Variants in SYT1 observed in about 807,000 individuals in gnomAD.
SYT1 encodes synaptotagmin-1.
A neutral mutation model predicts 44.8 loss-of-function variants in SYT1; 8 were observed. That is an observed-to-expected ratio of 0.18 (90% CI 0.10 to 0.32). The LOEUF is 0.32. Among genes scored for constraint, SYT1 ranks in the 10% least tolerant of loss-of-function variants. The pLI, the probability that SYT1 is intolerant of heterozygous loss-of-function variation, is 1.00. For missense variants in SYT1, 286 were observed against 509.3 expected (o/e 0.56, Z 4.22); for synonymous variants, 154 against 188.8 (o/e 0.82, Z 1.51).
chr12:79,245,302 CAAAAAAA>C (rs61324842), intron 4 of SYT1, among the ~76,000 whole-genome samples: 5 of 104,188 alleles, frequency 4.8e-5, no homozygotes, highest in Admixed American at 1.0e-4. Flanking sequence ...CCCGTCTCTA[CAAAAAAA>C]AAAAAAAAAA....
chr12:79,393,800 C>T (rs1372706198), intron 9 of SYT1: 7 of 152,090 alleles, frequency 4.6e-5, no homozygotes, highest in African/African-American at 1.4e-4. Context: ...GAAACTCTTT[C>T]GTTTAATTAA....
intron 8 of SYT1, among the ~76,000 whole-genome samples, chr12:79,310,955 C>T (rs984902111): frequency 1.3e-5 from 2 of 152,232 alleles, no homozygotes; most frequent in African/African-American, 4.8e-5. Flanking sequence ...ATCATGTCAT[C>T]TGCAAACAGG....
rs1054796019 is a variant in SYT1 at position 79,451,662 on chromosome 12, C to T, written c.*2538C>T. 2.6e-5 allele frequency: 4 copies of T among 152,198 alleles called. No individual in the cohort carries two copies. The highest frequency in any genetic ancestry group is 4.8e-5 in the African/African-American group (2 of 41,444). 9.4% of individuals were successfully genotyped at this position (152,198 alleles called of 1,614,324 possible). A position where few individuals can be genotyped will look rare whatever the true frequency, so the allele number is the denominator to read the frequency against. On this transcript the variant is annotated 3_prime_UTR_variant, in exon 11 of 11. Coordinates refer to ENST00000261205, the MANE Select transcript of SYT1 (RefSeq NM_005639.3). ...AACCTGCTTTATGACCAAGATTCAT[C>T]CTCAAATAAGCCACATGTACCCTTC...
chr12:79,317,719 A>G (rs1881162311), intron 8 of SYT1, among the ~76,000 whole-genome samples: 1 of 152,194 alleles, frequency 6.6e-6, no homozygotes, highest in South Asian at 2.1e-4. Flanking sequence ...TTTACCAACA[A>G]CAGCATAGGT....
chr12:78,901,084 C>T (rs1029622173), intron 1 of SYT1, among the ~76,000 whole-genome samples: 3 of 152,030 alleles, frequency 2.0e-5, no homozygotes, highest in African/African-American at 7.2e-5. Context: ...GGATATGTAT[C>T]TCTATCTGTT....
chr12:79,187,429 T>G (rs1042855278), intron 3 of SYT1, among the ~76,000 whole-genome samples: 1 of 152,064 alleles, frequency 6.6e-6, no homozygotes, highest in African/African-American at 2.4e-5. Context: ...TTTATGTCTA[T>G]CTTTAGTTTT....
chr12:79,295,114 T>C (rs1014211568), intron 6 of SYT1, among the ~76,000 whole-genome samples: 1 of 152,124 alleles, frequency 6.6e-6, no homozygotes, highest in African/African-American at 2.4e-5. Flanking sequence ...TAAAAACCTA[T>C]GGTGTTACTG....
chr12:78,883,891 A>G (rs1874594567), intron 1 of SYT1, among the ~76,000 whole-genome samples: 2 of 151,742 alleles, frequency 1.3e-5, no homozygotes, highest in Admixed American at 6.6e-5. Flanking sequence ...TACTATACAC[A>G]TGAAAGTGAT....
intron 5 of SYT1, among the ~76,000 whole-genome samples, chr12:79,290,197 G>A (rs1879510347): frequency 6.6e-6 from 1 of 152,146 alleles, no homozygotes; most frequent in East Asian, 1.9e-4. Flanking sequence ...CAAAGGGGAG[G>A]CATCACTGAC....
chr12:79,236,316 C>T (rs922056721), intron 4 of SYT1, among the ~76,000 whole-genome samples: 1 of 152,182 alleles, frequency 6.6e-6, no homozygotes, highest in Admixed American at 6.5e-5. Context: ...TAACCCCAAC[C>T]TACCTTTCCA....
intron 9 of SYT1, among the ~76,000 whole-genome samples, chr12:79,424,839 T>G (rs939106900): frequency 9.2e-5 from 14 of 152,028 alleles, no homozygotes; most frequent in South Asian, 2.1e-4. Flanking sequence ...GTTTTGTTTT[T>G]TTTTTAAGTT....
chr12:79,329,992 T>G (rs1285528544), intron 8 of SYT1, among the ~76,000 whole-genome samples: 1 of 152,188 alleles, frequency 6.6e-6, no homozygotes, highest in African/African-American at 2.4e-5. Flanking sequence ...TTGACCTCAT[T>G]AAATCCCTAT....
intron 1 of SYT1, among the ~76,000 whole-genome samples, chr12:78,916,279 C>T (rs7960312): frequency 0.76 from 115,977 of 151,940 alleles, 44,819 homozygotes; most frequent in African/African-American, 0.87. Context: ...CTAAGCCAAA[C>T]GTATGGTTTC....
In SYT1 at chr12:79,066,500, AAC is replaced by A. The variant is rs1491463988; in HGVS notation, c.-18+19140_-18+19141del. 4.1e-4 allele frequency among the ~76,000 whole-genome samples: 60 copies of A among 146,432 alleles called. 1 individual carries two copies. The highest frequency in any genetic ancestry group is 1.2e-3 in the African/African-American group (48 of 40,208). On this transcript the variant is annotated intron_variant, in intron 3 of 10. Coordinates refer to ENST00000261205, the MANE Select transcript of SYT1 (RefSeq NM_005639.3). The stretch of plus-strand genomic sequence containing the variant: ...TTTGAAAAAAAAAATTAAAAAAAAA[AAC>A]AACTCAGTGACATGGAGGCCATATC...
intron 3 of SYT1, among the ~76,000 whole-genome samples, chr12:79,149,814 A>G (rs530653700): frequency 5.3e-5 from 8 of 152,226 alleles, no homozygotes; most frequent in Middle Eastern, 3.4e-3. Flanking sequence ...TCAAATCTGT[A>G]TTCATAATAG....
intron 3 of SYT1, among the ~76,000 whole-genome samples, chr12:79,129,756 C>T (rs1372145333): frequency 2.0e-5 from 3 of 152,082 alleles, no homozygotes; most frequent in Non-Finnish European, 2.9e-5. Context: ...ATCATCAAAC[C>T]AGAACCAGAA....
At chr12:79,097,872 C>T (rs1045111358) in intron 3 of SYT1, among the ~76,000 whole-genome samples, 2 of 152,136 alleles carry the variant, frequency 1.3e-5, no homozygotes, top group South Asian at 4.1e-4. Flanking sequence ...AGCTTAGTTT[C>T]TTCGCCTTCT....
intron 1 of SYT1, among the ~76,000 whole-genome samples, chr12:78,955,801 TG>T (rs1879181945): frequency 2.7e-5 from 1 of 36,906 alleles, no homozygotes; most frequent in Admixed American, 2.9e-4. Flanking sequence ...CCAAGATATT[TG>T]TGTGTGTGTG....
rs1341274560 is a variant in SYT1, at chr12:79,256,578, CAT to C, written c.167-29208_167-29207del. 2.0e-5 allele frequency among the ~76,000 whole-genome samples: 3 copies of C among 151,502 alleles called. No homozygotes were observed. The Admixed American group carries it at 2.0e-4, about 10-fold the overall frequency. On this transcript the variant is annotated intron_variant, in intron 4 of 10. Coordinates refer to ENST00000261205, the MANE Select transcript of SYT1 (RefSeq NM_005639.3). ...TTTTTATCAAGTCCAGTGATAGAAA[CAT>C]GTATTTTCTCATGCTGTAGTTCCAA...
Sources: gnomAD v4.1 joint callset for allele counts (sites outside exome capture counted in the v4.1 genomes callset) on GRCh38, gnomAD v4.1.1 for gene constraint, MANE v1.5 for transcripts, NCBI Gene and HGNC (gene_info 2026-07-23, HGNC 2026-07-21) for gene names.